The following USH2A variants were observed in gnomAD, a reference collection of about 807,000 sequenced individuals.
USH2A encodes the protein Usher syndrome 2A (autosomal recessive, mild).
A neutral mutation model predicts 538.9 loss-of-function variants in USH2A; 443 were observed. The observed-to-expected ratio is 0.82, with a 90% confidence interval of 0.76 to 0.89. The LOEUF is 0.89. USH2A is among the 40% of genes least tolerant of loss of function. The pLI is 0.00. For synonymous variants in USH2A, 2,413 were observed against 2,273.5 expected (o/e 1.06, Z -1.75); for missense variants, 6,633 against 6,324.8 (o/e 1.05, Z -1.65).
intron 30 of USH2A, among the ~76,000 whole-genome samples, chr1:216,058,639 G>A (rs2031064186): frequency 6.6e-6 from 1 of 151,994 alleles, no homozygotes; most frequent in South Asian, 2.1e-4. Context: ...ATTGGGAAAT[G>A]TGTATTAAGT....
intron 60 of USH2A, among the ~76,000 whole-genome samples, chr1:215,730,078 G>A (rs912224370): frequency 6.6e-6 from 1 of 152,036 alleles, no homozygotes; most frequent in Non-Finnish European, 1.5e-5. Context: ...GGGAAACTAG[G>A]GCCAAATGCA....
intron 44 of USH2A, among the ~76,000 whole-genome samples, chr1:215,851,647 C>G (rs905826804): frequency 6.6e-5 from 10 of 151,952 alleles, no homozygotes; most frequent in African/African-American, 2.4e-4. Context: ...TGACACTATT[C>G]CAAAAGATAT....
chr1:216,346,073 A>G (rs1558047872), intron 4 of USH2A, among the ~76,000 whole-genome samples: 3 of 152,012 alleles, frequency 2.0e-5, no homozygotes, highest in Non-Finnish European at 4.4e-5. Context: ...GCGCATGAAC[A>G]TTTGTTGATT....
chr1:216,300,086 G>A (rs888620878), intron 9 of USH2A, among the ~76,000 whole-genome samples: 2 of 152,114 alleles, frequency 1.3e-5, no homozygotes, highest in East Asian at 1.9e-4. Flanking sequence ...TTAACAACTC[G>A]TTTCAGATAA....
chr1:216,384,472 A>G (rs1399017499), intron 3 of USH2A, among the ~76,000 whole-genome samples: 2 of 152,198 alleles, frequency 1.3e-5, no homozygotes, highest in African/African-American at 4.8e-5. Flanking sequence ...TATATTAACA[A>G]TAATTTGAGG....
chr1:215,782,023 T>G lies in USH2A; in HGVS notation c.10740+19A>C. 6.2e-7 allele frequency: 1 copy of G among 1,613,758 alleles called. No individual in the cohort carries two copies. Among genetic ancestry groups the G allele is most frequent in the East Asian group, 2.2e-5 (1 of 44,872 alleles). On this transcript the variant is annotated intron_variant, in intron 54 of 71. Transcript: ENST00000307340. The stretch of plus-strand genomic sequence containing the variant: ...CACACTGAACCCCTTTTCCCAGAGT[T>G]TAGGCAAACTCCTCTTACCTTGCTA...
Position 216,324,286 on chromosome 1 carries a change from C to T in USH2A, c.1210G>A (p.Glu404Lys), listed in dbSNP as rs757556792. ...PTEIRIQRKK[E>K]NSLDWEDWQY... Reference sequence around the variant, plus strand: ...CAGTCCTCCCAATCTAAACTATTTTCCTTCTTCCTTTGAATCCTTATTTCC... The same window carrying T: ...CAGTCCTCCCAATCTAAACTATTTTTCTTCTTCCTTTGAATCCTTATTTCC... Residue 404 changes from glutamate to lysine, a missense_variant, in exon 7 of 72, where the codon GAA becomes AAA. Glu to Lys is a moderately conservative substitution (Grantham distance 56). Coordinates refer to ENST00000307340, the MANE Select transcript of USH2A (RefSeq NM_206933.4). 2.4e-5 allele frequency: 39 copies of T among 1,613,006 alleles called. No individual in the cohort carries two copies. Among genetic ancestry groups the T allele is most frequent in the Non-Finnish European group, 3.3e-5 (39 of 1,179,584 alleles).
At chr1:216,191,732 A>C (rs2102656520) in intron 19 of USH2A, among the ~76,000 whole-genome samples, 1 of 152,076 alleles carries the variant, frequency 6.6e-6, no homozygotes, top group African/African-American at 2.4e-5. Context: ...TTTTAGAATA[A>C]TCCTGGTAGA....
At position 215,623,016 on chromosome 1, in the gene USH2A, C is replaced by T. The variant is rs1337460608; in HGVS notation, c.*2765G>A. ...AGTTCCTTATTAATGAATTCTTCCA[C>T]TTGGACTATGTTTTATTTACCGGTG... On this transcript the variant is annotated 3_prime_UTR_variant, in exon 72 of 72. Coordinates refer to ENST00000307340, the MANE Select transcript of USH2A (RefSeq NM_206933.4). The T allele has an allele frequency of 6.6e-6, 1 of 152,064 alleles. No individual in the cohort carries two copies. Among genetic ancestry groups the T allele is most frequent in the Non-Finnish European group, 1.5e-5 (1 of 67,976 alleles). The allele number at this position is 152,064 out of a possible 1,614,324, so 9.4% of individuals were successfully genotyped here. A position where few individuals can be genotyped will look rare whatever the true frequency, so the allele number is the denominator to read the frequency against.
chr1:215,684,039 A>G (rs1658333095), intron 61 of USH2A, among the ~76,000 whole-genome samples: 1 of 152,184 alleles, frequency 6.6e-6, no homozygotes, highest in Non-Finnish European at 1.5e-5. Flanking sequence ...GAAATATTTT[A>G]CTAGGAATAA....
At chr1:215,845,752 C>G in intron 45 of USH2A, 72 bp downstream of exon 45, 1 of 1,527,650 alleles carries the variant, frequency 6.5e-7, no homozygotes, top group Non-Finnish European at 9.0e-7. Flanking sequence ...GATGACTGAT[C>G]TCAACCCCGG....
intron 3 of USH2A, among the ~76,000 whole-genome samples, chr1:216,412,043 G>A (rs929279289): frequency 4.6e-5 from 7 of 152,142 alleles, no homozygotes; most frequent in Admixed American, 1.3e-4. Flanking sequence ...CCTCTGAAGA[G>A]ACTGTAAGCT....
At chr1:215,786,907 G>A in intron 51 of USH2A, 33 bp from the exon 52 acceptor site, 1 of 1,605,960 alleles carries the variant, frequency 6.2e-7, no homozygotes, top group Non-Finnish European at 8.5e-7. Flanking sequence ...GAGAGAGAGG[G>A]GTATTTAAAA....
chr1:216,384,829 G>A (rs1231071160), intron 3 of USH2A, among the ~76,000 whole-genome samples: 1 of 152,126 alleles, frequency 6.6e-6, no homozygotes, highest in East Asian at 1.9e-4. Flanking sequence ...TTTTCCTTGT[G>A]GGCTAGGCTA....
intron 21 of USH2A, among the ~76,000 whole-genome samples, chr1:216,136,198 T>G (rs1446525272): frequency 1.3e-5 from 2 of 152,144 alleles, no homozygotes. Flanking sequence ...TAATAATGTC[T>G]GATCTCAAGC....
At chr1:215,795,509 C>T (rs1431592602) in intron 50 of USH2A, among the ~76,000 whole-genome samples, 1 of 152,150 alleles carries the variant, frequency 6.6e-6, no homozygotes, top group African/African-American at 2.4e-5. Context: ...ATGGTTACTA[C>T]ATAATACATA....
intron 11 of USH2A, among the ~76,000 whole-genome samples, chr1:216,260,173 G>A (rs2036341237): frequency 6.6e-6 from 1 of 152,048 alleles, no homozygotes; most frequent in South Asian, 2.1e-4. Flanking sequence ...GAGGCCAGCA[G>A]AGAAATCAAT....
chr1:216,136,479 AT>A (rs2033489179), intron 21 of USH2A, among the ~76,000 whole-genome samples: 1 of 152,142 alleles, frequency 6.6e-6, no homozygotes, highest in Admixed American at 6.5e-5. Context: ...GAGTTGTTTA[AT>A]TCCTCTTTTT....
chr1:216,223,146 C>A (rs1278921355), intron 14 of USH2A, among the ~76,000 whole-genome samples: 9 of 151,678 alleles, frequency 5.9e-5, no homozygotes, highest in Admixed American at 2.6e-4. Flanking sequence ...AATAAAAATT[C>A]ATGTTGTTTT....
Sources: gnomAD v4.1 joint callset for allele counts (sites outside exome capture counted in the v4.1 genomes callset) on GRCh38, gnomAD v4.1.1 for gene constraint, MANE v1.5 for transcripts, NCBI Gene and HGNC (gene_info 2026-07-23, HGNC 2026-07-21) for gene names.